The following PKNOX1 variants were observed in gnomAD, a reference collection of about 807,000 sequenced individuals.
The protein encoded by PKNOX1 is PBX/knotted 1 homeobox 1, also known as homeobox protein PKNOX1.
PKNOX1 carries 15 observed loss-of-function variants against 51.9 expected under a neutral mutation model. The observed-to-expected ratio is 0.29, with a 90% CI of 0.19 to 0.45. The LOEUF is 0.45. Ranked by LOEUF, PKNOX1 falls within the 20% of genes least tolerant of loss-of-function variation. PKNOX1 has a pLI of 1.00. For synonymous variants in PKNOX1, 219 were observed against 211.1 expected, an observed-to-expected ratio of 1.04 and a Z score of -0.32; for missense variants, 462 against 547.5, an observed-to-expected ratio of 0.84 and a Z score of 1.56.
intron 1 of PKNOX1, among the ~76,000 whole-genome samples, chr21:42,981,867 CAGG>C (rs1282846363): frequency 6.6e-6 from 1 of 152,188 alleles, no homozygotes; most frequent in Non-Finnish European, 1.5e-5. Flanking sequence ...ATAAAGAAAA[CAGG>C]AGTCTATGGG....
intron 1 of PKNOX1, among the ~76,000 whole-genome samples, chr21:42,994,024 G>A (rs1173135004): frequency 1.1e-4 from 14 of 128,066 alleles, no homozygotes; most frequent in Admixed American, 6.1e-4. Context: ...GAGCCGCCGC[G>A]CCCAGCCTTT....
chr21:42,980,039 A>G (rs577575232), intron 1 of PKNOX1, among the ~76,000 whole-genome samples: 7 of 152,306 alleles, frequency 4.6e-5, no homozygotes, highest in Middle Eastern at 3.4e-3. Context: ...CCTGTACTCT[A>G]TATGTAGTTA....
chr21:42,982,731 CAAAAAA>C (rs10658050), intron 1 of PKNOX1, among the ~76,000 whole-genome samples: 2 of 129,908 alleles, frequency 1.5e-5, no homozygotes, highest in South Asian at 2.6e-4. Flanking sequence ...AACTCCATCT[CAAAAAA>C]AAAAAAAAAA....
intron 1 of PKNOX1, among the ~76,000 whole-genome samples, chr21:43,000,527 A>C (rs766235360): frequency 2.0e-5 from 3 of 152,224 alleles, no homozygotes; most frequent in Non-Finnish European, 4.4e-5. Context: ...CATGGGAAAG[A>C]CTTGCCCCCA....
At chr21:43,000,375 C>T (rs949441749) in intron 1 of PKNOX1, among the ~76,000 whole-genome samples, 3 of 152,194 alleles carry the variant, frequency 2.0e-5, no homozygotes, top group Admixed American at 1.3e-4. Flanking sequence ...GGAAGCCTCA[C>T]AATCATGGCG....
intron 1 of PKNOX1, among the ~76,000 whole-genome samples, chr21:42,987,401 AAAAATATAT>A (rs1321477666): frequency 1.0e-5 from 1 of 97,486 alleles, no homozygotes; most frequent in African/African-American, 3.7e-5. Context: ...AAAAAAAAAA[AAAAATATAT>A]ATATATATAT....
rs143130154 is a variant in PKNOX1, at chr21:42,977,969, C to G, written c.-57+3305C>G. ...TGTGGCTGGTTTGATCTAATCAGAC[C>G]ACTCATACTTTCCACATATCACCAA... On this transcript the variant is annotated intron_variant, in intron 1 of 10. Transcript: ENST00000291547. Among the ~76,000 whole-genome samples the G allele has an allele frequency of 9.0e-4, 137 of 152,110 alleles. 1 individual carries two copies. Among genetic ancestry groups the G allele is most frequent in the African/African-American group, 3.1e-3 (129 of 41,492 alleles).
At position 43,021,538 on chromosome 21, in the gene PKNOX1, G is replaced by T; in HGVS notation, c.849+107G>T. On this transcript the variant is annotated intron_variant, in intron 8 of 10. Transcript: ENST00000291547. The surrounding 1 kb of genome is among the most constrained non-coding windows in gnomAD (Gnocchi z 4.6). ...CTTCTCTGGGCTCAGAAAATCAAAG[G>T]CCTGACTTTCAGGACTTTGTGGCAT... 4 of 1,313,126 alleles carry T rather than the reference G, an allele frequency of 3.0e-6. No homozygotes were observed. The highest frequency in any genetic ancestry group is 1.5e-5 in the African/African-American group (1 of 67,844). 81.3% of individuals were successfully genotyped at this position (1,313,126 alleles called of 1,614,324 possible).
chr21:42,992,764 T>C (rs1431276281), intron 1 of PKNOX1, among the ~76,000 whole-genome samples: 4 of 132,104 alleles, frequency 3.0e-5, no homozygotes, highest in Admixed American at 7.8e-5. Context: ...CCTCATAGCA[T>C]TGGGGGCTTC....
intron 9 of PKNOX1, among the ~76,000 whole-genome samples, chr21:43,026,971 A>G (rs534204463): frequency 8.9e-4 from 136 of 152,168 alleles, no homozygotes; most frequent in African/African-American, 3.0e-3. Flanking sequence ...AAATTAAGCA[A>G]CCTTAGAGCT....
In PKNOX1 at chr21:42,975,578, C is replaced by T. The variant is rs544932691; in HGVS notation, c.-57+914C>T. The stretch of plus-strand genomic sequence containing the variant: ...CGCGGAGTCTGCTTTATGTCATCCT[C>T]GTGGCTCTCGAAATGCCTTATTTGG... On this transcript the variant is annotated intron_variant, in intron 1 of 10. Coordinates refer to ENST00000291547, the MANE Select transcript of PKNOX1 (RefSeq NM_004571.5). 4.6e-5 allele frequency among the ~76,000 whole-genome samples: 7 copies of T among 152,350 alleles called. No homozygotes were observed. The South Asian group carries it at 1.0e-3, about 23-fold the overall frequency.
intron 1 of PKNOX1, among the ~76,000 whole-genome samples, chr21:42,989,137 G>A (rs2059072719): frequency 6.6e-6 from 1 of 152,034 alleles, no homozygotes; most frequent in Non-Finnish European, 1.5e-5. Flanking sequence ...AACGTAAAAA[G>A]GGACTGAATA....
chr21:43,028,512 T>G (rs1202481227), intron 9 of PKNOX1, 190 bp from the exon 10 acceptor site: 1 of 637,132 alleles, frequency 1.6e-6, no homozygotes, highest in Non-Finnish European at 2.8e-6. Context: ...CAACAGGCTC[T>G]GTGTTTCTGG....
chr21:43,019,321 G>C (rs1464712088), intron 7 of PKNOX1, among the ~76,000 whole-genome samples: 1 of 150,680 alleles, frequency 6.6e-6, no homozygotes, highest in Non-Finnish European at 1.5e-5. Context: ...GACCTGGGAG[G>C]TGGAGGTTGC....
chr21:43,018,331 G>T, intron 7 of PKNOX1, 101 bp downstream of exon 7: 1 of 695,074 alleles, frequency 1.4e-6, no homozygotes, highest in Non-Finnish European at 2.6e-6. Flanking sequence ...GAAGAGCTTT[G>T]TCTTGTGTAG....
chr21:42,998,580 C>G (rs941461106), intron 1 of PKNOX1, among the ~76,000 whole-genome samples: 3 of 152,162 alleles, frequency 2.0e-5, no homozygotes, highest in African/African-American at 7.2e-5. Flanking sequence ...TTAGTTACTT[C>G]CTAAATACAG....
intron 1 of PKNOX1, among the ~76,000 whole-genome samples, chr21:42,991,168 A>G (rs1418068573): frequency 6.6e-6 from 1 of 152,086 alleles, no homozygotes; most frequent in African/African-American, 2.4e-5. Flanking sequence ...AAATGAAGTC[A>G]AAAGTTGGGG....
chr21:43,023,549 C>A (rs923515455), intron 8 of PKNOX1, among the ~76,000 whole-genome samples: 2 of 152,032 alleles, frequency 1.3e-5, no homozygotes, highest in Admixed American at 1.3e-4. Flanking sequence ...CAGTCATCAA[C>A]CTTGGAGAAA....
intron 1 of PKNOX1, among the ~76,000 whole-genome samples, chr21:42,994,831 T>G: frequency 6.6e-6 from 1 of 152,092 alleles, no homozygotes; most frequent in East Asian, 1.9e-4. Context: ...CAAATTTCCT[T>G]AAGTTGTCTT....
Sources: allele counts gnomAD v4.1 joint callset (sites outside exome capture counted in the v4.1 genomes callset), GRCh38; gene constraint gnomAD v4.1.1; non-coding constraint Gnocchi (gnomAD v3.1); transcripts MANE v1.5; gene names NCBI Gene and HGNC (gene_info 2026-07-23, HGNC 2026-07-21).